FSTL5: variants seen among roughly 807,000 people sequenced by gnomAD.
FSTL5 encodes the protein follistatin like 5, also known as follistatin-related protein 5.
FSTL5 carries 62 observed loss-of-function variants against 89.1 expected under a neutral mutation model. That is an observed-to-expected ratio of 0.70 (90% CI 0.57 to 0.86). The LOEUF is 0.86. Ranked by LOEUF, FSTL5 falls within the 40% of genes least tolerant of loss-of-function variation. The pLI, the probability that FSTL5 is intolerant of heterozygous loss-of-function variation, is 0.00. For synonymous variants in FSTL5, 383 were observed against 346.2 expected (o/e 1.11, Z -1.18); for missense variants, 1,057 against 1,001.6 (o/e 1.06, Z -0.75).
chr4:161,676,159 A>C (rs545828825), intron 6 of FSTL5, among the ~76,000 whole-genome samples: 3 of 152,258 alleles, frequency 2.0e-5, no homozygotes, highest in African/African-American at 7.2e-5. Context: ...GCATTCCACA[A>C]ACAAAAGTTA....
intron 7 of FSTL5, among the ~76,000 whole-genome samples, chr4:161,605,969 C>G (rs1161545279): frequency 6.6e-6 from 1 of 152,148 alleles, no homozygotes; most frequent in Non-Finnish European, 1.5e-5. Context: ...TCTCCTTGTT[C>G]TATTATTGCG....
intron 3 of FSTL5, among the ~76,000 whole-genome samples, chr4:161,939,488 G>A (rs1201419801): frequency 6.6e-6 from 1 of 151,876 alleles, no homozygotes; most frequent in Non-Finnish European, 1.5e-5. Flanking sequence ...TCTAAGCAGT[G>A]GTTTTAGTGT....
intron 10 of FSTL5, among the ~76,000 whole-genome samples, chr4:161,519,817 A>T (rs962239646): frequency 7.9e-5 from 12 of 152,258 alleles, no homozygotes; most frequent in African/African-American, 2.9e-4. Flanking sequence ...ATACTGTATC[A>T]TTTTAAGTAT....
chr4:161,472,285 G>T (rs1315336458), intron 13 of FSTL5, among the ~76,000 whole-genome samples: 2 of 152,002 alleles, frequency 1.3e-5, no homozygotes, highest in Admixed American at 6.6e-5. Flanking sequence ...CCATTTTCTT[G>T]ATCTTTTTAA....
At chr4:161,823,453 A>G (rs976643034) in intron 4 of FSTL5, among the ~76,000 whole-genome samples, 1 of 152,160 alleles carries the variant, frequency 6.6e-6, no homozygotes, top group African/African-American at 2.4e-5. Flanking sequence ...GTTCATGTAC[A>G]CTCAACCAGG....
At chr4:162,118,687 C>A (rs1579042718) in intron 1 of FSTL5, among the ~76,000 whole-genome samples, 1 of 152,048 alleles carries the variant, frequency 6.6e-6, no homozygotes, top group South Asian at 2.1e-4. Flanking sequence ...TAACTAGCAC[C>A]ATTTACAACA....
At chr4:161,851,759 T>C (rs979597341) in intron 4 of FSTL5, among the ~76,000 whole-genome samples, 5 of 151,894 alleles carry the variant, frequency 3.3e-5, no homozygotes, top group Admixed American at 6.6e-5. Context: ...ATTTTTTTTT[T>C]TTGATAATAT....
chr4:161,589,019 G>T, intron 7 of FSTL5, among the ~76,000 whole-genome samples: 1 of 147,098 alleles, frequency 6.8e-6, no homozygotes, highest in Non-Finnish European at 1.5e-5. Context: ...TTTTTTTGAG[G>T]CAGGGTTCCC....
intron 3 of FSTL5, among the ~76,000 whole-genome samples, chr4:161,929,887 G>C (rs1734239849): frequency 6.6e-6 from 1 of 151,650 alleles, no homozygotes; most frequent in Non-Finnish European, 1.5e-5. Flanking sequence ...TTTCTACAGA[G>C]TGCTGGACTA....
chr4:161,998,648 A>T (rs986190763), intron 3 of FSTL5, among the ~76,000 whole-genome samples: 5 of 152,268 alleles, frequency 3.3e-5, no homozygotes, highest in African/African-American at 1.2e-4. Flanking sequence ...CTCTTACAAT[A>T]TGTATTCAAC....
At chr4:161,493,798 A>C (rs963159036) in intron 12 of FSTL5, among the ~76,000 whole-genome samples, 3 of 152,078 alleles carry the variant, frequency 2.0e-5, no homozygotes, top group Non-Finnish European at 2.9e-5. Flanking sequence ...ATTATCTGAG[A>C]CACACAACAT....
chr4:162,066,299 T>TTTCTTCTTCTTCTTCTTCTTCTTCTTC (rs1222795843), intron 2 of FSTL5, among the ~76,000 whole-genome samples: 1 of 70,120 alleles, frequency 1.4e-5, no homozygotes, highest in African/African-American at 5.3e-5. Flanking sequence ...TCCTCCTACT[T>TTTCTTCTTCTTCTTCTTCTTCTTCTTC]TTCTTCTTCT....
At chr4:162,104,740 T>C (rs2069293089) in intron 2 of FSTL5, among the ~76,000 whole-genome samples, 2 of 152,122 alleles carry the variant, frequency 1.3e-5, no homozygotes, top group Non-Finnish European at 2.9e-5. Context: ...TCACTACTCA[T>C]GAAACTATGT....
intron 7 of FSTL5, among the ~76,000 whole-genome samples, chr4:161,637,455 C>T (rs1735763376): frequency 6.6e-6 from 1 of 151,126 alleles, no homozygotes; most frequent in Admixed American, 6.6e-5. Flanking sequence ...TGTGCAGAAG[C>T]TCTTTAGTTT....
At chr4:161,876,109 C>T (rs948849447) in intron 4 of FSTL5, among the ~76,000 whole-genome samples, 6 of 152,172 alleles carry the variant, frequency 3.9e-5, no homozygotes, top group East Asian at 3.9e-4. Flanking sequence ...GATAAAAATA[C>T]GTATTTATCA....
intron 6 of FSTL5, among the ~76,000 whole-genome samples, chr4:161,692,553 A>C (rs1737978968): frequency 6.6e-6 from 1 of 152,110 alleles, no homozygotes; most frequent in Admixed American, 6.5e-5. Context: ...GCCCTAATCT[A>C]ATCTGATTGG....
chr4:162,116,032 C>A (rs1195265648), intron 1 of FSTL5, among the ~76,000 whole-genome samples: 2 of 150,968 alleles, frequency 1.3e-5, no homozygotes, highest in Non-Finnish European at 3.0e-5. Context: ...CGAGATGAAG[C>A]AAAATCTCCA....
chr4:161,729,759 A>C (rs1739543684), intron 6 of FSTL5, among the ~76,000 whole-genome samples: 1 of 152,194 alleles, frequency 6.6e-6, no homozygotes, highest in Non-Finnish European at 1.5e-5. Flanking sequence ...TTTACGAAGA[A>C]GGTGGGCAAT....
At chr4:161,784,895 A>AAAAAAAAAAAAAAACAAAAC (rs1553965825) in intron 4 of FSTL5, among the ~76,000 whole-genome samples, 1 of 141,964 alleles carries the variant, frequency 7.0e-6, no homozygotes, top group African/African-American at 2.7e-5. Flanking sequence ...TCCGTCTCAA[A>AAAAAAAAAAAAAAACAAAAC]AAAAACAAAA....
Sources: gnomAD v4.1 joint callset for allele counts (sites outside exome capture counted in the v4.1 genomes callset) on GRCh38, gnomAD v4.1.1 for gene constraint, MANE v1.5 for transcripts, NCBI Gene and HGNC (gene_info 2026-07-23, HGNC 2026-07-21) for gene names.